PCDH15: variants seen among roughly 807,000 people sequenced by gnomAD.
The protein encoded by PCDH15 is protocadherin related 15, also known as protocadherin-15.
In PCDH15, 129 loss-of-function variants were observed where a neutral mutation model predicts 178.5. The ratio of observed to expected loss-of-function variants is 0.72; its 90% CI spans 0.63 to 0.84. The LOEUF is 0.84. Ranked by LOEUF, PCDH15 falls within the 40% of genes least tolerant of loss-of-function variation. The pLI is 0.00. For synonymous variants in PCDH15, 800 were observed against 732.0 expected (o/e 1.09, Z -1.50); for missense variants, 2,230 against 2,099.9 (o/e 1.06, Z -1.21).
At chr10:55,137,591 G>C (rs1057123960) in intron 2 of PCDH15, among the ~76,000 whole-genome samples, 2 of 135,834 alleles carry the variant, frequency 1.5e-5, no homozygotes, top group Non-Finnish European at 1.6e-5. Flanking sequence ...AATATAAATA[G>C]AAAATTGACA....
chr10:54,925,116 A>G (rs978816075), intron 2 of PCDH15, among the ~76,000 whole-genome samples: 3 of 151,724 alleles, frequency 2.0e-5, no homozygotes, highest in African/African-American at 7.3e-5. Flanking sequence ...TTGATTTGTT[A>G]TTTGTATGGT....
At chr10:53,882,414 C>T (rs111929091) in intron 26 of PCDH15, among the ~76,000 whole-genome samples, 2,133 of 152,292 alleles carry the variant, frequency 0.014, 41 homozygotes, top group African/African-American at 0.048. Flanking sequence ...ATTCCTTTGA[C>T]TCTGCTGGAC....
chr10:54,850,100 T>C (rs1310541713), intron 3 of PCDH15, among the ~76,000 whole-genome samples: 2 of 152,168 alleles, frequency 1.3e-5, no homozygotes, highest in Non-Finnish European at 2.9e-5. Context: ...TTCAAAAATG[T>C]ACTTTAGTTG....
chr10:54,239,767 T>A (rs1422879274), intron 8 of PCDH15, among the ~76,000 whole-genome samples: 4 of 152,076 alleles, frequency 2.6e-5, no homozygotes, highest in Non-Finnish European at 5.9e-5. Context: ...TATCTTGTCC[T>A]ATAGAGACTA....
At chr10:54,871,789 A>G (rs895869850) in intron 3 of PCDH15, among the ~76,000 whole-genome samples, 4 of 152,122 alleles carry the variant, frequency 2.6e-5, no homozygotes, top group African/African-American at 9.7e-5. Flanking sequence ...AGTTAAGCCT[A>G]TCATGATTAC....
chr10:53,823,955 C>T (rs2076494885), intron 32 of PCDH15, among the ~76,000 whole-genome samples: 1 of 152,132 alleles, frequency 6.6e-6, no homozygotes, highest in South Asian at 2.1e-4. Context: ...AGAATTGTGA[C>T]AGAGGAGTTT....
At chr10:54,422,875 C>T (rs1955726559) in intron 3 of PCDH15, among the ~76,000 whole-genome samples, 1 of 152,200 alleles carries the variant, frequency 6.6e-6, no homozygotes, top group Admixed American at 6.6e-5. Context: ...ATAATCAAAA[C>T]TTTCATTTTG....
At chr10:54,480,810 T>G (rs2078660903) in intron 3 of PCDH15, among the ~76,000 whole-genome samples, 1 of 151,984 alleles carries the variant, frequency 6.6e-6, no homozygotes, top group Non-Finnish European at 1.5e-5. Context: ...GGAATAAATA[T>G]TATTATTCTG....
chr10:55,386,177 T>A (rs1837654778), intron 2 of PCDH15, among the ~76,000 whole-genome samples: 1 of 152,010 alleles, frequency 6.6e-6, no homozygotes, highest in African/African-American at 2.4e-5. Context: ...AAATTTTGTT[T>A]TAATGGTGGA....
At chr10:55,595,768 G>A (rs1842925103) in intron 2 of PCDH15, among the ~76,000 whole-genome samples, 1 of 151,978 alleles carries the variant, frequency 6.6e-6, no homozygotes, top group Non-Finnish European at 1.5e-5. Context: ...AAATATTAGA[G>A]TATGCTAGTG....
intron 2 of PCDH15, among the ~76,000 whole-genome samples, chr10:55,102,719 A>G (rs1442408790): frequency 6.6e-6 from 1 of 152,082 alleles, no homozygotes; most frequent in Non-Finnish European, 1.5e-5. Flanking sequence ...AAATCTATGT[A>G]TAACTTTTGG....
chr10:54,041,739 T>C lies in PCDH15; in HGVS notation c.2221-18542A>G, dbSNP rs867014246. The stretch of plus-strand genomic sequence containing the variant: ...AAATATAGGTACTTAAATCCAATAT[T>C]GTGGGTTCAAAAAGGAAATGACATT... On this transcript the variant is annotated intron_variant, in intron 18 of 37. Coordinates refer to ENST00000644397, the MANE Select transcript of PCDH15 (RefSeq NM_001384140.1). Among the ~76,000 whole-genome samples the C allele has an allele frequency of 4.6e-5, 7 of 152,202 alleles. No individual in the cohort carries two copies. The South Asian group carries it at 1.0e-3, about 23-fold the overall frequency.
At chr10:55,460,112 T>G (rs576755023) in intron 2 of PCDH15, among the ~76,000 whole-genome samples, 1 of 151,456 alleles carries the variant, frequency 6.6e-6, no homozygotes, top group Non-Finnish European at 1.5e-5. Flanking sequence ...TGCCACAGAG[T>G]TGGGGGTACG....
chr10:54,403,568 A>T (rs1043450877), intron 3 of PCDH15, among the ~76,000 whole-genome samples: 1 of 152,048 alleles, frequency 6.6e-6, no homozygotes, highest in Non-Finnish European at 1.5e-5. Flanking sequence ...CTCCTATTCA[A>T]CATAGTATTG....
intron 18 of PCDH15, among the ~76,000 whole-genome samples, chr10:54,056,931 C>T (rs1236981841): frequency 6.6e-6 from 1 of 152,128 alleles, no homozygotes; most frequent in African/African-American, 2.4e-5. Flanking sequence ...GGGCTACAGG[C>T]CCCACGCAAG....
chr10:54,948,708 TTAAG>T (rs1468478397), intron 2 of PCDH15, among the ~76,000 whole-genome samples: 1 of 151,960 alleles, frequency 6.6e-6, no homozygotes, highest in Non-Finnish European at 1.5e-5. Flanking sequence ...GGCTCCATAA[TTAAG>T]TAAGCCAATC....
At chr10:55,266,675 T>C (rs984772978) in intron 1 of PCDH15, among the ~76,000 whole-genome samples, 13 of 152,008 alleles carry the variant, frequency 8.6e-5, no homozygotes, top group African/African-American at 2.9e-4. Context: ...ACGCGAGTGG[T>C]TGAACATCAA....
At chr10:54,166,900 AG>A (rs1390012437) in intron 13 of PCDH15, among the ~76,000 whole-genome samples, 2 of 152,176 alleles carry the variant, frequency 1.3e-5, no homozygotes, top group Non-Finnish European at 2.9e-5. Context: ...TGGCTCAAAA[AG>A]CACCTCCACT....
Position 54,337,110 on chromosome 10 carries a change from GTA to G in PCDH15, c.595-7406_595-7405del, listed in dbSNP as rs3069762. On this transcript the variant is annotated intron_variant, in intron 6 of 37. Coordinates refer to ENST00000644397, the MANE Select transcript of PCDH15 (RefSeq NM_001384140.1). ...TTTGCCAATTTCTCTCATTTGGAATGTATATATATATATATTCATACCCAATG... is the reference window on the plus strand; with the variant it reads ...TTTGCCAATTTCTCTCATTTGGAATGTATATATATATATTCATACCCAATG... Among the ~76,000 whole-genome samples the G allele has an allele frequency of 4.0e-5, 6 of 150,354 alleles. No homozygotes were observed. The South Asian group carries it at 6.3e-4, about 16-fold the overall frequency.
Sources: gnomAD v4.1 joint callset for allele counts (sites outside exome capture counted in the v4.1 genomes callset) on GRCh38, gnomAD v4.1.1 for gene constraint, MANE v1.5 for transcripts, NCBI Gene and HGNC (gene_info 2026-07-23, HGNC 2026-07-21) for gene names.